MORC4: variants seen among roughly 807,000 people sequenced by gnomAD.
MORC4 encodes the protein MORC family CW-type zinc finger 4.
MORC4 carries 22 observed loss-of-function variants against 65.5 expected under a neutral mutation model. The ratio of observed to expected loss-of-function variants is 0.34; its 90% CI spans 0.24 to 0.48. The LOEUF is 0.48. MORC4 is among the 20% of genes least tolerant of loss of function. The probability of loss-of-function intolerance (pLI) is 0.99; values close to 1 mark genes in which losing one functional copy is unlikely to be tolerated. For missense variants in MORC4, 624 were observed against 703.0 expected (o/e 0.89, Z 1.27); for synonymous variants, 267 against 255.8 (o/e 1.04, Z -0.42).
intron 1 of MORC4, 31 bp downstream of exon 1, chrX:106,999,837 G>C (rs1374757701): frequency 2.3e-6 from 2 of 857,848 alleles, no homozygotes; most frequent in East Asian, 6.3e-5. Flanking sequence ...GGGCCCGCGC[G>C]CGCGTCCGCC....
chrX:106,954,084 T>C (rs991652875), intron 14 of MORC4, among the ~76,000 whole-genome samples: 4 of 112,863 alleles, frequency 3.5e-5, no homozygotes, highest in Admixed American at 9.3e-5. Context: ...GATCACGCCA[T>C]TGGACTCCAG....
At chrX:106,994,518 T>C (rs1935041687) in intron 2 of MORC4, among the ~76,000 whole-genome samples, 1 of 112,404 alleles carries the variant, frequency 8.9e-6, no homozygotes, top group Non-Finnish European at 1.9e-5. Flanking sequence ...GGAACACCCC[T>C]TACAATCCAG....
chrX:106,958,812 A>G (rs2147809694), intron 10 of MORC4, among the ~76,000 whole-genome samples: 1 of 111,900 alleles, frequency 8.9e-6, no homozygotes, highest in African/African-American at 3.2e-5. Flanking sequence ...CAAGCAAACA[A>G]TAGGGTAATT....
chrX:106,965,436 A>C (rs1440214151), intron 9 of MORC4, among the ~76,000 whole-genome samples: 1 of 112,480 alleles, frequency 8.9e-6, no homozygotes, highest in Non-Finnish European at 1.9e-5. Flanking sequence ...AAAGAAAGCT[A>C]CAAGGGACAC....
chrX:106,984,190 G>A (rs1283978290), intron 5 of MORC4, among the ~76,000 whole-genome samples: 2 of 108,852 alleles, frequency 1.8e-5, no homozygotes, highest in Non-Finnish European at 3.8e-5. Context: ...AGAGGCTGAG[G>A]CATGAGAATC....
chrX:106,987,553 T>A (rs1934896863), intron 3 of MORC4, among the ~76,000 whole-genome samples: 1 of 111,628 alleles, frequency 9.0e-6, no homozygotes, highest in African/African-American at 3.2e-5. Context: ...AAGGACTTCA[T>A]ATATTACAGA....
chrX:106,979,911 T>C (rs1305091582), intron 7 of MORC4, among the ~76,000 whole-genome samples: 6 of 110,853 alleles, frequency 5.4e-5, no homozygotes, highest in Admixed American at 9.7e-5. Flanking sequence ...TCTGGCTTTA[T>C]TAAATTGATT....
intron 9 of MORC4, among the ~76,000 whole-genome samples, chrX:106,966,628 T>C (rs1934378871): frequency 8.9e-6 from 1 of 112,619 alleles, no homozygotes; most frequent in African/African-American, 3.2e-5. Context: ...GACCAGGAGG[T>C]CCCCTCCTGT....
At chrX:106,963,678 T>TCCTCTATTTCTCTATTTTCCC (rs1406039589) in intron 9 of MORC4, among the ~76,000 whole-genome samples, 5 of 111,383 alleles carry the variant, frequency 4.5e-5, no homozygotes, top group Non-Finnish European at 7.5e-5. Context: ...CTCTTTTTCC[T>TCCTCTATTTCTCTATTTTCCC]CCTCTATTTC....
chrX:106,983,589 T>C (rs1263016289), intron 5 of MORC4, among the ~76,000 whole-genome samples: 1 of 112,180 alleles, frequency 8.9e-6, no homozygotes, highest in Non-Finnish European at 1.9e-5. Flanking sequence ...CCATTAGACA[T>C]GCTAAGATTA....
intron 9 of MORC4, among the ~76,000 whole-genome samples, chrX:106,964,224 A>G (rs1934320876): frequency 8.9e-6 from 1 of 112,280 alleles, no homozygotes; most frequent in Non-Finnish European, 1.9e-5. Flanking sequence ...CTGGAGCTGA[A>G]AAGTCTAAAA....
intron 13 of MORC4, among the ~76,000 whole-genome samples, chrX:106,955,518 T>TACAC (rs10610713): frequency 2.8e-3 from 292 of 103,911 alleles, no homozygotes; most frequent in African/African-American, 7.7e-3. Context: ...ATATTCATAG[T>TACAC]ACACACACAC....
chrX:106,985,234 A>G lies in MORC4; in HGVS notation c.536T>C (p.Ile179Thr), dbSNP rs755086686. Reference sequence around the variant, plus strand: ...GCTGGGCAATGAATCCTCGGTAATAATCATTTTTTGTAAAATCAAATATAG... The same window carrying G: ...GCTGGGCAATGAATCCTCGGTAATAGTCATTTTTTGTAAAATCAAATATAG... ...VPFNQQNKKM[I>T]ITEDSLPSLE... The change falls in exon 5 of 17, where the codon ATT becomes ACT. Residue 179 changes from isoleucine to threonine, a missense_variant. Coordinates refer to ENST00000355610, the MANE Select transcript of MORC4 (RefSeq NM_024657.5). 2 of 1,158,466 alleles carry G rather than the reference A, an allele frequency of 1.7e-6. No homozygotes were observed. Among genetic ancestry groups the G allele is most frequent in the Non-Finnish European group, 1.2e-6 (1 of 861,906 alleles).
intron 9 of MORC4, among the ~76,000 whole-genome samples, chrX:106,966,939 T>C (rs965494121): frequency 3.6e-5 from 4 of 112,347 alleles, no homozygotes; most frequent in African/African-American, 1.3e-4. Flanking sequence ...CTGACAGCTC[T>C]GAAGACAGAA....
chrX:106,961,638 A>G (rs1385694982), intron 10 of MORC4, among the ~76,000 whole-genome samples: 2 of 111,655 alleles, frequency 1.8e-5, no homozygotes, highest in Non-Finnish European at 3.8e-5. Context: ...CAGGATTCTA[A>G]AAGTAGCCAA....
At chrX:106,994,734 T>C (rs147229044) in intron 2 of MORC4, among the ~76,000 whole-genome samples, 2,093 of 111,511 alleles carry the variant, frequency 0.019, 52 homozygotes, top group African/African-American at 0.065. Flanking sequence ...GCATCACCAA[T>C]AGTCCCAGAA....
intron 9 of MORC4, among the ~76,000 whole-genome samples, chrX:106,969,539 C>T (rs928143850): frequency 2.7e-5 from 3 of 111,556 alleles, no homozygotes; most frequent in African/African-American, 9.8e-5. Flanking sequence ...ATCTCAGAAG[C>T]TGATTTTTCG....
At chrX:106,990,303 C>A (rs1202859472) in intron 3 of MORC4, among the ~76,000 whole-genome samples, 1 of 110,162 alleles carries the variant, frequency 9.1e-6, no homozygotes, top group African/African-American at 3.3e-5. Flanking sequence ...GTTGCCCAAG[C>A]TGGATTACAA....
At chrX:106,969,689 C>A (rs996638938) in intron 9 of MORC4, among the ~76,000 whole-genome samples, 1 of 112,020 alleles carries the variant, frequency 8.9e-6, no homozygotes, top group African/African-American at 3.2e-5. Context: ...TCAGAGAATA[C>A]TATAAACACC....
Sources: allele counts gnomAD v4.1 joint callset (sites outside exome capture counted in the v4.1 genomes callset), GRCh38; gene constraint gnomAD v4.1.1; transcripts MANE v1.5; gene names NCBI Gene and HGNC (gene_info 2026-07-23, HGNC 2026-07-21).